RABGAP1L: variants seen among roughly 807,000 people sequenced by gnomAD.
RABGAP1L encodes the protein RAB GTPase activating protein 1 like, also known as rab GTPase-activating protein 1-like.
A neutral mutation model predicts 137.7 loss-of-function variants in RABGAP1L; 63 were observed. The ratio of observed to expected loss-of-function variants is 0.46; its 90% CI spans 0.37 to 0.56. The LOEUF is 0.56. RABGAP1L is among the 20% of genes least tolerant of loss of function. The pLI is 0.00. For missense variants in RABGAP1L, 1,095 were observed against 1,244.0 expected (o/e 0.88, Z 1.80); for synonymous variants, 431 against 433.7 (o/e 0.99, Z 0.08).
At chr1:174,569,612 T>C (rs1667835587) in intron 13 of RABGAP1L, among the ~76,000 whole-genome samples, 3 of 152,206 alleles carry the variant, frequency 2.0e-5, no homozygotes, top group Admixed American at 1.3e-4. Flanking sequence ...TGTATACTCT[T>C]TACCTTGGCT....
intron 13 of RABGAP1L, among the ~76,000 whole-genome samples, chr1:174,463,733 G>T (rs1354256811): frequency 6.6e-6 from 1 of 151,684 alleles, no homozygotes; most frequent in Non-Finnish European, 1.5e-5. Context: ...ACATCACTTA[G>T]CATTAGAGAA....
At chr1:174,743,600 C>T (rs1271707410) in intron 17 of RABGAP1L, among the ~76,000 whole-genome samples, 2 of 151,924 alleles carry the variant, frequency 1.3e-5, no homozygotes, top group African/African-American at 4.8e-5. Flanking sequence ...AGTTTACCTG[C>T]ATAACAAACC....
At chr1:174,662,961 G>A (rs1023722449) in intron 14 of RABGAP1L, among the ~76,000 whole-genome samples, 3 of 152,116 alleles carry the variant, frequency 2.0e-5, no homozygotes, top group African/African-American at 7.2e-5. Context: ...CTGTATAGCT[G>A]TACAATGTAG....
Position 174,990,991 on chromosome 1 carries a change from G to A in RABGAP1L, c.*990G>A, listed in dbSNP as rs1463759752. 2 of 152,180 alleles carry A rather than the reference G, an allele frequency of 1.3e-5. No individual in the cohort carries two copies. The highest frequency in any genetic ancestry group is 6.5e-5 in the Admixed American group (1 of 15,284). 9.4% of individuals were successfully genotyped at this position (152,180 alleles called of 1,614,324 possible). ...ACATAGTATTGAAATGGGAAATAGA[G>A]GTCAGGCTCACATCATCTTAGTTTA... On this transcript the variant is annotated 3_prime_UTR_variant, in exon 26 of 26. Transcript: ENST00000681986.
intron 3 of RABGAP1L, among the ~76,000 whole-genome samples, chr1:174,221,700 A>G (rs1669770119): frequency 6.6e-6 from 1 of 152,220 alleles, no homozygotes; most frequent in Non-Finnish European, 1.5e-5. Context: ...GCTGGCTTAA[A>G]CACCACAGGT....
At chr1:174,964,661 A>G (rs1010206426) in intron 20 of RABGAP1L, 2 of 479,874 alleles carry the variant, frequency 4.2e-6, no homozygotes, top group Non-Finnish European at 6.4e-6. Context: ...TAATAGTCCC[A>G]CATACAGCAT....
intron 13 of RABGAP1L, among the ~76,000 whole-genome samples, chr1:174,442,578 T>C (rs186897762): frequency 1.3e-5 from 2 of 152,260 alleles, no homozygotes; most frequent in East Asian, 3.9e-4. Context: ...TATTTTAGAA[T>C]CAGGGAGTAG....
intron 23 of RABGAP1L, 47 bp downstream of exon 23, chr1:174,978,937 TA>T: frequency 6.9e-7 from 1 of 1,447,738 alleles, no homozygotes; most frequent in Non-Finnish European, 9.1e-7. Flanking sequence ...TTTGCTGCTA[TA>T]AAAGTAATTT....
At chr1:174,819,907 A>G (rs1388163390) in intron 19 of RABGAP1L, among the ~76,000 whole-genome samples, 1 of 152,140 alleles carries the variant, frequency 6.6e-6, no homozygotes, top group Non-Finnish European at 1.5e-5. Context: ...GCTGGAGGGA[A>G]TAGGCAAGGG....
chr1:174,777,819 A>C (rs771212579), intron 18 of RABGAP1L, among the ~76,000 whole-genome samples: 4 of 152,212 alleles, frequency 2.6e-5, no homozygotes, highest in Non-Finnish European at 4.4e-5. Flanking sequence ...ACTTGAAAAC[A>C]TAGCAATTGA....
chr1:174,331,693 A>G (rs536491234), intron 11 of RABGAP1L, among the ~76,000 whole-genome samples: 18 of 152,266 alleles, frequency 1.2e-4, no homozygotes, highest in Middle Eastern at 3.4e-3. Flanking sequence ...TATTATTGTT[A>G]TACTTTAAGT....
At chr1:174,860,697 A>G (rs945975984) in intron 19 of RABGAP1L, among the ~76,000 whole-genome samples, 3 of 152,148 alleles carry the variant, frequency 2.0e-5, no homozygotes, top group Admixed American at 1.3e-4. Flanking sequence ...TATTGAATTG[A>G]TATAGTAAGA....
At chr1:174,946,240 A>G (rs115828764) in intron 19 of RABGAP1L, among the ~76,000 whole-genome samples, 2,368 of 152,284 alleles carry the variant, frequency 0.016, 58 homozygotes, top group African/African-American at 0.053. Flanking sequence ...AGGCTTATCA[A>G]AGGTCCTAGG....
chr1:174,304,262 C>T (rs181501295), intron 10 of RABGAP1L, among the ~76,000 whole-genome samples: 1 of 152,012 alleles, frequency 6.6e-6, no homozygotes, highest in East Asian at 1.9e-4. Flanking sequence ...GCTTGGCATT[C>T]CCCAACTAAA....
chr1:174,877,380 C>T (rs1653307650), intron 19 of RABGAP1L: 1 of 1,549,818 alleles, frequency 6.5e-7, no homozygotes, highest in Admixed American at 1.9e-5. Flanking sequence ...CACTCCACCC[C>T]CTCGAACTCA....
At chr1:174,887,062 C>T (rs1451128958) in intron 19 of RABGAP1L, among the ~76,000 whole-genome samples, 1 of 152,122 alleles carries the variant, frequency 6.6e-6, no homozygotes, top group African/African-American at 2.4e-5. Flanking sequence ...ACCTTGGCCT[C>T]CCAAAGTGCT....
intron 13 of RABGAP1L, among the ~76,000 whole-genome samples, chr1:174,625,766 C>T (rs1264194510): frequency 1.3e-5 from 2 of 152,094 alleles, no homozygotes; most frequent in East Asian, 3.9e-4. Context: ...TATGGATGCA[C>T]ACATGGTCAA....
rs773303564 is a variant in RABGAP1L at position 174,371,113 on chromosome 1, T to A, written c.1559+41T>A. ...TCATACTGAAAATTCTATATTTACA[T>A]AGTTGATGTTAATTTGTTGTATTAA... On this transcript the variant is annotated intron_variant, in intron 12 of 25. Coordinates refer to ENST00000681986, the MANE Select transcript of RABGAP1L (RefSeq NM_001366446.1). 8.1e-6 allele frequency: 9 copies of A among 1,113,142 alleles called. No homozygotes were observed. In the African/African-American group the frequency reaches 1.4e-4, roughly 17 times the overall value. 69.0% of individuals were successfully genotyped at this position (1,113,142 alleles called of 1,614,324 possible).
chr1:174,837,368 G>A (rs1347430969), intron 19 of RABGAP1L, among the ~76,000 whole-genome samples: 3 of 152,160 alleles, frequency 2.0e-5, no homozygotes, highest in Non-Finnish European at 4.4e-5. Flanking sequence ...TGTTTATTGT[G>A]TAAGGATCTT....
Sources: allele counts gnomAD v4.1 joint callset (sites outside exome capture counted in the v4.1 genomes callset), GRCh38; gene constraint gnomAD v4.1.1; transcripts MANE v1.5; gene names NCBI Gene and HGNC (gene_info 2026-07-23, HGNC 2026-07-21).